CCDC91: variants seen among roughly 807,000 people sequenced by gnomAD.
CCDC91 encodes coiled-coil domain containing 91.
CCDC91 carries 48 observed loss-of-function variants against 63.2 expected under a neutral mutation model. The ratio of observed to expected loss-of-function variants is 0.76; its 90% confidence interval spans 0.60 to 0.97. The LOEUF is 0.97. Among genes scored for constraint, CCDC91 ranks in the 50% least tolerant of loss-of-function variants. The pLI is 0.00. For synonymous variants in CCDC91, 167 were observed against 165.8 expected (o/e 1.01, Z -0.06); for missense variants, 500 against 494.6 (o/e 1.01, Z -0.10).
intron 1 of CCDC91, among the ~76,000 whole-genome samples, chr12:28,237,030 G>C (rs1021598859): frequency 6.6e-6 from 1 of 151,934 alleles, no homozygotes; most frequent in Non-Finnish European, 1.5e-5. Context: ...ATTGTAGGTA[G>C]AAGTGTATAC....
At chr12:28,199,361 C>G (rs1942032653) in intron 1 of CCDC91, among the ~76,000 whole-genome samples, 2 of 152,082 alleles carry the variant, frequency 1.3e-5, no homozygotes, top group South Asian at 4.2e-4. Flanking sequence ...CCTCCCCTTC[C>G]TTCATGCTAT....
chr12:28,522,477 A>G (rs913328247), intron 12 of CCDC91, among the ~76,000 whole-genome samples: 1 of 151,934 alleles, frequency 6.6e-6, no homozygotes, highest in African/African-American at 2.4e-5. Context: ...CTTCTTTATT[A>G]GTGTTGATAG....
At chr12:28,256,618 A>G (rs1373506816) in intron 1 of CCDC91, 1 of 152,310 alleles carries the variant, frequency 6.6e-6, no homozygotes, top group Non-Finnish European at 1.5e-5. Flanking sequence ...TGAATACATG[A>G]CTTGATTTAT....
chr12:28,378,076 C>T (rs1453144569), intron 7 of CCDC91, among the ~76,000 whole-genome samples: 1 of 151,964 alleles, frequency 6.6e-6, no homozygotes, highest in Non-Finnish European at 1.5e-5. Flanking sequence ...TTATTAGGCA[C>T]ATGAAATTTC....
intron 11 of CCDC91, among the ~76,000 whole-genome samples, chr12:28,466,228 AG>A (rs1555220422): frequency 1.3e-5 from 2 of 152,182 alleles, no homozygotes; most frequent in Admixed American, 1.3e-4. Flanking sequence ...ATAGCCTCAA[AG>A]GGGCAAACCT....
intron 6 of CCDC91, among the ~76,000 whole-genome samples, chr12:28,333,447 T>C (rs1441923507): frequency 6.6e-6 from 1 of 151,972 alleles, no homozygotes; most frequent in Admixed American, 6.6e-5. Context: ...TTTCCCACTT[T>C]GTGCATGTCC....
intron 8 of CCDC91, among the ~76,000 whole-genome samples, chr12:28,437,304 T>C (rs1948961936): frequency 6.6e-6 from 1 of 152,060 alleles, no homozygotes; most frequent in Non-Finnish European, 1.5e-5. Context: ...TTTTATTTAA[T>C]TGTACCATAC....
chr12:28,221,197 T>G (rs1417948995), intron 1 of CCDC91, among the ~76,000 whole-genome samples: 2 of 152,140 alleles, frequency 1.3e-5, no homozygotes, highest in Non-Finnish European at 2.9e-5. Context: ...TAATCTCATC[T>G]TTTATGTTTT....
intron 1 of CCDC91, among the ~76,000 whole-genome samples, chr12:28,244,076 T>A (rs1189954413): frequency 6.6e-6 from 1 of 152,226 alleles, no homozygotes; most frequent in Non-Finnish European, 1.5e-5. Flanking sequence ...CATTGCCAAA[T>A]TGGATTTTTC....
rs952806997 is a variant in CCDC91 at position 28,230,636 on chromosome 12, T to G, written c.-14-26566T>G. Among the ~76,000 whole-genome samples the G allele has an allele frequency of 1.3e-4, 20 of 152,230 alleles. 1 individual carries two copies. Among genetic ancestry groups the G allele is most frequent in the African/African-American group, 3.9e-4 (16 of 41,544 alleles). ...TTTTTTAAAGAAATTATGCTTTTTG[T>G]TTTTTGGAGACAGGGTCTGGGTCTA... On this transcript the variant is annotated intron_variant, in intron 1 of 12. Transcript: ENST00000536442.
intron 12 of CCDC91, among the ~76,000 whole-genome samples, chr12:28,510,538 A>G (rs569300794): frequency 9.2e-5 from 14 of 151,920 alleles, no homozygotes; most frequent in Non-Finnish European, 1.8e-4. Context: ...TCTTCAATCA[A>G]TTAGATGAGG....
intron 11 of CCDC91, among the ~76,000 whole-genome samples, chr12:28,474,281 C>T (rs947909983): frequency 4.0e-5 from 6 of 150,144 alleles, no homozygotes; most frequent in African/African-American, 1.5e-4. Context: ...AATAATGTTA[C>T]ATTATGACAA....
intron 6 of CCDC91, among the ~76,000 whole-genome samples, chr12:28,321,370 T>C (rs1940483224): frequency 6.6e-6 from 1 of 151,914 alleles, no homozygotes; most frequent in Non-Finnish European, 1.5e-5. Flanking sequence ...TACTTAACTA[T>C]GATATTATCA....
intron 12 of CCDC91, among the ~76,000 whole-genome samples, chr12:28,517,477 T>C (rs1940079497): frequency 6.6e-6 from 1 of 152,006 alleles, no homozygotes; most frequent in African/African-American, 2.4e-5. Context: ...AACAATCTTC[T>C]CTTTTAACTG....
intron 1 of CCDC91, among the ~76,000 whole-genome samples, chr12:28,231,856 A>AT (rs1401288943): frequency 2.0e-5 from 3 of 152,198 alleles, no homozygotes; most frequent in African/African-American, 4.8e-5. Flanking sequence ...AGTGAATCTG[A>AT]TTCAGGCACA....
At chr12:28,429,099 A>C (rs1948493129) in intron 8 of CCDC91, among the ~76,000 whole-genome samples, 1 of 152,118 alleles carries the variant, frequency 6.6e-6, no homozygotes, top group African/African-American at 2.4e-5. Context: ...GTCCAGCAGG[A>C]AATCGTGCAA....
chr12:28,547,301 A>C (rs914700948), intron 12 of CCDC91, among the ~76,000 whole-genome samples: 2 of 152,100 alleles, frequency 1.3e-5, no homozygotes, highest in Non-Finnish European at 2.9e-5. Context: ...ATTAAAATGA[A>C]ACTTTTAAAA....
chr12:28,296,514 C>T (rs1232322490), intron 3 of CCDC91, among the ~76,000 whole-genome samples: 1 of 151,658 alleles, frequency 6.6e-6, no homozygotes, highest in Non-Finnish European at 1.5e-5. Flanking sequence ...ATTTTTATTT[C>T]CTATGTTCCT....
intron 11 of CCDC91, among the ~76,000 whole-genome samples, chr12:28,483,816 T>C (rs1387773237): frequency 6.6e-6 from 1 of 152,086 alleles, no homozygotes; most frequent in East Asian, 1.9e-4. Flanking sequence ...TGTCAGGCAC[T>C]CCCTGCAATA....
Sources: allele counts gnomAD v4.1 joint callset (sites outside exome capture counted in the v4.1 genomes callset), GRCh38; gene constraint gnomAD v4.1.1; transcripts MANE v1.5; gene names NCBI Gene and HGNC (gene_info 2026-07-23, HGNC 2026-07-21).